RAB12: variants seen among roughly 807,000 people sequenced by gnomAD.
The protein encoded by RAB12 is RAB12, member RAS oncogene family.
RAB12 carries 11 observed loss-of-function variants against 28.4 expected under a neutral mutation model. The observed-to-expected ratio is 0.39, with a 90% confidence interval of 0.24 to 0.64. The LOEUF (loss-of-function observed/expected upper bound fraction) is 0.64. Among genes scored for constraint, RAB12 ranks in the 30% least tolerant of loss-of-function variants. The probability of loss-of-function intolerance (pLI) is 0.50; values close to 1 mark genes in which losing one functional copy is unlikely to be tolerated. For synonymous variants in RAB12, 138 were observed against 145.3 expected (o/e 0.95, Z 0.36); for missense variants, 276 against 351.1 (o/e 0.79, Z 1.71).
At chr18:8,627,005 CAAAAT>C (rs1395384149) in intron 2 of RAB12, among the ~76,000 whole-genome samples, 1 of 152,172 alleles carries the variant, frequency 6.6e-6, no homozygotes, top group Admixed American at 6.5e-5. Context: ...ACATAATACT[CAAAAT>C]AAGATTTTTA....
At chr18:8,625,563 G>GA (rs1421184553) in intron 2 of RAB12, among the ~76,000 whole-genome samples, 1 of 152,132 alleles carries the variant, frequency 6.6e-6, no homozygotes, top group Admixed American at 6.5e-5. Flanking sequence ...ATCACAATTG[G>GA]AATGAGAGAC....
rs71165796 is a variant in RAB12, at chr18:8,639,147, C to CT, written c.*930dup. On this transcript the variant is annotated 3_prime_UTR_variant, in exon 6 of 6. Coordinates refer to ENST00000649141, the MANE Select transcript of RAB12 (RefSeq NM_001025300.3). The stretch of plus-strand genomic sequence containing the variant: ...ATTCTGATTAAGCCTAGACTGTGTT[C>CT]TTTTTTTTTTTTTTTTTTTTTTTTT... 1.2e-4 allele frequency: 2 copies of CT among 16,044 alleles called. No individual in the cohort carries two copies. Among genetic ancestry groups the CT allele is most frequent in the African/African-American group, 2.1e-4 (1 of 4,662 alleles). The allele number at this position is 16,044 out of a possible 1,614,324, so 1.0% of individuals were successfully genotyped here.
intron 3 of RAB12, 135 bp from the exon 4 acceptor site, chr18:8,635,398 T>C: frequency 1.5e-6 from 1 of 659,158 alleles, no homozygotes; most frequent in South Asian, 1.9e-5. Context: ...GCCTGGGAAC[T>C]GGTAGAACCT....
chr18:8,631,886 T>A (rs1413846386), intron 2 of RAB12, among the ~76,000 whole-genome samples: 1 of 152,170 alleles, frequency 6.6e-6, no homozygotes, highest in Non-Finnish European at 1.5e-5. Flanking sequence ...TCTGGAAAGA[T>A]ATTTCATTTG....
chr18:8,619,148 A>T (rs2096008366), intron 1 of RAB12, among the ~76,000 whole-genome samples: 1 of 152,234 alleles, frequency 6.6e-6, no homozygotes, highest in South Asian at 2.1e-4. Context: ...GTCTATGGAA[A>T]TTCTTCAACT....
intron 1 of RAB12, among the ~76,000 whole-genome samples, chr18:8,616,489 CT>C (rs2096006726): frequency 6.6e-6 from 1 of 152,056 alleles, no homozygotes; most frequent in Non-Finnish European, 1.5e-5. Flanking sequence ...AAACTCCACC[CT>C]TTGGTTTCTG....
intron 5 of RAB12, among the ~76,000 whole-genome samples, chr18:8,637,708 A>AAAGCCTATCACTGACTGG (rs2096019725): frequency 6.6e-6 from 1 of 152,202 alleles, no homozygotes; most frequent in Admixed American, 6.5e-5. Context: ...TTAACGACTA[A>AAAGCCTATCACTGACTGG]AAGCCTATCA....
chr18:8,627,672 T>TCA (rs2096013590), intron 2 of RAB12, among the ~76,000 whole-genome samples: 3 of 152,232 alleles, frequency 2.0e-5, no homozygotes, highest in Admixed American at 2.0e-4. Context: ...AACTTGGAGT[T>TCA]GTGTTGAAAT....
At chr18:8,628,952 C>CA (rs2096014398) in intron 2 of RAB12, among the ~76,000 whole-genome samples, 1 of 152,096 alleles carries the variant, frequency 6.6e-6, no homozygotes, top group Non-Finnish European at 1.5e-5. Flanking sequence ...GTATGTAATT[C>CA]CTAAAATGCT....
chr18:8,617,364 T>G (rs1316590109), intron 1 of RAB12, among the ~76,000 whole-genome samples: 1 of 152,198 alleles, frequency 6.6e-6, no homozygotes, highest in East Asian at 1.9e-4. Context: ...TGACAGTCCC[T>G]GTGTTTTCAT....
chr18:8,622,038 AGTT>A (rs2148708331), intron 1 of RAB12, among the ~76,000 whole-genome samples: 1 of 152,286 alleles, frequency 6.6e-6, no homozygotes, highest in South Asian at 2.1e-4. Flanking sequence ...GAGTTCGGTA[AGTT>A]GTTCAAGTTG....
Position 8,636,300 on chromosome 18 carries a change from G to A in RAB12, c.852G>A (p.Lys284=), listed in dbSNP as rs769303538. Residue 284 remains lysine (K), a synonymous_variant, in exon 5 of 6, where the codon AAG becomes AAA. Coordinates refer to ENST00000649141, the MANE Select transcript of RAB12 (RefSeq NM_001025300.3). ...TGMRFCEASA[K]DNFNVDEIFL... ...TGCGGTTCTGTGAAGCAAGTGCCAA[G>A]GATAACTTCAATGTGGACGAGATAT... 3 of 1,613,588 alleles carry A rather than the reference G, an allele frequency of 1.9e-6. No individual in the cohort carries two copies. The highest frequency in any genetic ancestry group is 2.5e-6 in the Non-Finnish European group (3 of 1,179,768).
chr18:8,637,766 G>A (rs888202560), intron 5 of RAB12, among the ~76,000 whole-genome samples: 2 of 152,076 alleles, frequency 1.3e-5, no homozygotes, highest in African/African-American at 4.8e-5. Flanking sequence ...TAACACATAG[G>A]TTGTATGTTA....
chr18:8,622,950 G>A (rs941937954), intron 1 of RAB12, among the ~76,000 whole-genome samples: 12 of 152,122 alleles, frequency 7.9e-5, no homozygotes, highest in African/African-American at 2.7e-4. Context: ...TGTTCCGCCC[G>A]GCTCACCAGC....
chr18:8,613,691 C>G (rs1325450639), intron 1 of RAB12, among the ~76,000 whole-genome samples: 1 of 152,136 alleles, frequency 6.6e-6, no homozygotes, highest in Non-Finnish European at 1.5e-5. Flanking sequence ...AACCTACCCC[C>G]GCCCTTGCTC....
At chr18:8,614,931 T>C (rs560602664) in intron 1 of RAB12, among the ~76,000 whole-genome samples, 1 of 152,318 alleles carries the variant, frequency 6.6e-6, no homozygotes, top group African/African-American at 2.4e-5. Context: ...GCGGCAGTGC[T>C]CTAAACTTCA....
chr18:8,614,743 G>A (rs9946971), intron 1 of RAB12, among the ~76,000 whole-genome samples: 11,132 of 151,888 alleles, frequency 0.073, 510 homozygotes, highest in Admixed American at 0.12. Context: ...TCACCACCAC[G>A]CCTGGCTAAT....
chr18:8,622,085 A>G (rs932731951), intron 1 of RAB12, among the ~76,000 whole-genome samples: 2 of 152,188 alleles, frequency 1.3e-5, no homozygotes, highest in Admixed American at 6.5e-5. Context: ...TTCAGACTCC[A>G]TTGTTAGCAG....
intron 1 of RAB12, among the ~76,000 whole-genome samples, chr18:8,613,379 C>T (rs574977876): frequency 6.6e-6 from 1 of 152,282 alleles, no homozygotes; most frequent in East Asian, 1.9e-4. Flanking sequence ...ATAGCAGTGC[C>T]TGTATCACAA....
Sources: gnomAD v4.1 joint callset for allele counts (sites outside exome capture counted in the v4.1 genomes callset) on GRCh38, gnomAD v4.1.1 for gene constraint, MANE v1.5 for transcripts, NCBI Gene and HGNC (gene_info 2026-07-23, HGNC 2026-07-21) for gene names.